UCN3: variants seen among roughly 807,000 people sequenced by gnomAD.
The protein encoded by UCN3 is urocortin 3, also known as urocortin-3.
UCN3 carries 3 observed loss-of-function variants against 3.6 expected under a neutral mutation model. The observed-to-expected ratio is 0.83, with a 90% confidence interval of 0.38 to 2.15. The LOEUF (loss-of-function observed/expected upper bound fraction) is 2.15, where lower values mean the gene tolerates loss of function less well. Among genes scored for constraint, UCN3 ranks in the 30% most tolerant of loss-of-function variants. The pLI is 0.06. For missense variants in UCN3, 206 were observed against 208.3 expected (o/e 0.99, Z 0.07); for synonymous variants, 100 against 93.2 (o/e 1.07, Z -0.42).
intron 1 of UCN3, among the ~76,000 whole-genome samples, chr10:5,373,395 C>T (rs1316660547): frequency 1.3e-5 from 2 of 152,124 alleles, no homozygotes; most frequent in Non-Finnish European, 2.9e-5. Context: ...GCCTGCAAAG[C>T]TGAATTAAAT....
chr10:5,367,968 G>T lies in UCN3; in HGVS notation c.-7+2738G>T, dbSNP rs140549223. ...ACCCACAGAGGGAGGCCTGAGGGTA[G>T]CTCCAGGGTTGCATCTCAGCACCCT... On this transcript the variant is annotated intron_variant, in intron 1 of 1. Coordinates refer to ENST00000380433, the MANE Select transcript of UCN3 (RefSeq NM_053049.4). This position sits in a 1 kb window ranked among gnomAD's most constrained non-coding sequence, Gnocchi z 4.3. Among the ~76,000 whole-genome samples the T allele has an allele frequency of 8.6e-4, 131 of 152,164 alleles. No individual in the cohort carries two copies. Among genetic ancestry groups the T allele is most frequent in the African/African-American group, 3.1e-3 (127 of 41,530 alleles).
chr10:5,365,674 C>G lies in UCN3; in HGVS notation c.-7+444C>G, dbSNP rs1834110492. Among the ~76,000 whole-genome samples, 2 of 152,182 alleles carry G rather than the reference C, an allele frequency of 1.3e-5. No homozygotes were observed. Among genetic ancestry groups the G allele is most frequent in the South Asian group, 2.1e-4 (1 of 4,826 alleles). ...GAGGACACCTGCACTTACTGTTTAC[C>G]TGTGCCACAAACCTTCACCTGTGCC... On this transcript the variant is annotated intron_variant, in intron 1 of 1. Transcript: ENST00000380433. This position sits in a 1 kb window ranked among gnomAD's most constrained non-coding sequence, Gnocchi z 4.4.
At chr10:5,370,689 G>A (rs1468385701) in intron 1 of UCN3, among the ~76,000 whole-genome samples, 3 of 100,788 alleles carry the variant, frequency 3.0e-5, no homozygotes, top group Admixed American at 1.1e-4. Flanking sequence ...GTGTGTGTAT[G>A]TGTGTATATG....
At chr10:5,370,769 G>A (rs1374918387) in intron 1 of UCN3, among the ~76,000 whole-genome samples, 1 of 139,164 alleles carries the variant, frequency 7.2e-6, no homozygotes, top group Non-Finnish European at 1.5e-5. Flanking sequence ...GTATATGCGT[G>A]TGTATATGCG....
At chr10:5,372,608 G>T (rs1263173822) in intron 1 of UCN3, among the ~76,000 whole-genome samples, 1 of 152,038 alleles carries the variant, frequency 6.6e-6, no homozygotes, top group Non-Finnish European at 1.5e-5. Flanking sequence ...TGGAGGCAGT[G>T]GCACAATCAC....
chr10:5,374,449 G>A lies in UCN3; in HGVS notation c.*243G>A. The A allele has an allele frequency of 4.0e-6, 2 of 503,696 alleles. No homozygotes were observed. Among genetic ancestry groups the A allele is most frequent in the Non-Finnish European group, 7.2e-6 (2 of 278,904 alleles). 31.2% of individuals were successfully genotyped at this position (503,696 alleles called of 1,614,324 possible). A position where few individuals can be genotyped will look rare whatever the true frequency, so the allele number is the denominator to read the frequency against. On this transcript the variant is annotated 3_prime_UTR_variant, in exon 2 of 2. Coordinates refer to ENST00000380433, the MANE Select transcript of UCN3 (RefSeq NM_053049.4). ...ATTGTCCAACCTTCCCAGACACAAA[G>A]CAGCTAACGTTCCTCCCTGTACTCA... is the stretch of plus-strand genomic sequence containing the variant.
intron 1 of UCN3, among the ~76,000 whole-genome samples, chr10:5,370,824 C>CGCGCGTGTGTGT: frequency 2.4e-5 from 2 of 82,970 alleles, no homozygotes; most frequent in Middle Eastern, 0.012. Context: ...CGTGTGTGTG[C>CGCGCGTGTGTGT]GCGCGTGTGT....
In UCN3 at chr10:5,374,247, GAGGGGAGGGGGAGGGGAGGGCGA is replaced by G; in HGVS notation, c.*42_*64del. ...GGGAGGGCAGCGGGGTGGGGAGGGG[GAGGGGAGGGGGAGGGGAGGGCGA>G]GGGGGGGAGGGGAGGGGGAGGGTGC... On this transcript the variant is annotated 3_prime_UTR_variant, in exon 2 of 2. Coordinates refer to ENST00000380433, the MANE Select transcript of UCN3 (RefSeq NM_053049.4). 7.5e-6 allele frequency: 4 copies of G among 530,394 alleles called. No homozygotes were observed. Among genetic ancestry groups the G allele is most frequent in the South Asian group, 6.2e-5 (3 of 48,030 alleles). 32.9% of individuals were successfully genotyped at this position (530,394 alleles called of 1,614,324 possible). A position where few individuals can be genotyped will look rare whatever the true frequency, so the allele number is the denominator to read the frequency against.
Position 5,374,092 on chromosome 10 carries a change from C to A in UCN3, c.372C>A (p.Leu124=). 1 of 1,613,716 alleles carries A rather than the reference C, an allele frequency of 6.2e-7. No individual in the cohort carries two copies. Among genetic ancestry groups the A allele is most frequent in the Non-Finnish European group, 8.5e-7 (1 of 1,179,928 alleles). The part of the protein sequence containing the change: ...SPHRTKFTLS[L]DVPTNIMNLL... ...ACCGCACCAAGTTCACCCTGTCCCT[C>A]GACGTCCCCACCAACATCATGAACC... is the stretch of plus-strand genomic sequence containing the variant. The change falls in exon 2 of 2, where the codon CTC becomes CTA. Residue 124 remains leucine, a synonymous_variant. Coordinates refer to ENST00000380433, the MANE Select transcript of UCN3 (RefSeq NM_053049.4).
At position 5,367,198 on chromosome 10, in the gene UCN3, C is replaced by T. The variant is rs1363049406; in HGVS notation, c.-7+1968C>T. ...AGCCCATTGCAAGGGAAAACCTGAACTTTTTCACAGGAAAATTGCAGAAAG... is the reference window on the plus strand; with the variant it reads ...AGCCCATTGCAAGGGAAAACCTGAATTTTTTCACAGGAAAATTGCAGAAAG... On this transcript the variant is annotated intron_variant, in intron 1 of 1. Coordinates refer to ENST00000380433, the MANE Select transcript of UCN3 (RefSeq NM_053049.4). This position sits in a 1 kb window ranked among gnomAD's most constrained non-coding sequence, Gnocchi z 4.3. Among the ~76,000 whole-genome samples, 1 of 152,140 alleles carries T rather than the reference C, an allele frequency of 6.6e-6. No homozygotes were observed. Among genetic ancestry groups the T allele is most frequent in the African/African-American group, 2.4e-5 (1 of 41,434 alleles).
intron 1 of UCN3, among the ~76,000 whole-genome samples, chr10:5,369,519 C>A (rs1437856214): frequency 6.6e-6 from 1 of 152,124 alleles, no homozygotes; most frequent in Non-Finnish European, 1.5e-5. Flanking sequence ...AACCCTCAGG[C>A]AAATAAGGAA....
chr10:5,370,066 TGTGTGTATATGC>T lies in UCN3; in HGVS notation c.-6-3613_-6-3602del, dbSNP rs1301124389. On this transcript the variant is annotated intron_variant, in intron 1 of 1. Coordinates refer to ENST00000380433, the MANE Select transcript of UCN3 (RefSeq NM_053049.4). Reference sequence around the variant, plus strand: ...ATATGCGTGTGTATGTGTGTGTATATGTGTGTATATGCGTGTGTATATGCGTGTGTATATGCG... The same window carrying T: ...ATATGCGTGTGTATGTGTGTGTATATGTGTGTATATGCGTGTGTATATGCG... Among the ~76,000 whole-genome samples the T allele has an allele frequency of 3.7e-3, 158 of 42,272 alleles. 12 individuals carry two copies. The highest frequency in any genetic ancestry group is 0.017 in the South Asian group (16 of 950). The allele number at this position is 42,272 out of a possible 152,430, so 27.7% of individuals were successfully genotyped here. A position where few individuals can be genotyped will look rare whatever the true frequency, so the allele number is the denominator to read the frequency against.
chr10:5,370,991 G>T (rs1831416196), intron 1 of UCN3, among the ~76,000 whole-genome samples: 1 of 150,484 alleles, frequency 6.6e-6, no homozygotes, highest in African/African-American at 2.5e-5. Context: ...TGTGAGGTAT[G>T]TATGTGTGTG....
rs1349062860 is a variant in UCN3, at chr10:5,370,852, CGT to C, written c.-6-2855_-6-2854del. The stretch of plus-strand genomic sequence containing the variant: ...GCGTGTGTGTGCGCGTGTGTGTGCG[CGT>C]GTGTGTGCGTGTGTATGTGTGTGTA... On this transcript the variant is annotated intron_variant, in intron 1 of 1. Coordinates refer to ENST00000380433, the MANE Select transcript of UCN3 (RefSeq NM_053049.4). Among the ~76,000 whole-genome samples, 9 of 71,500 alleles carry C rather than the reference CGT, an allele frequency of 1.3e-4. 2 individuals carry two copies. The highest frequency in any genetic ancestry group is 2.0e-4 in the Non-Finnish European group (8 of 39,894). 46.9% of individuals were successfully genotyped at this position (71,500 alleles called of 152,430 possible).
At chr10:5,370,589 ATG>A (rs137956980) in intron 1 of UCN3, among the ~76,000 whole-genome samples, 2,133 of 79,316 alleles carry the variant, frequency 0.027, 306 homozygotes, top group African/African-American at 0.043. Flanking sequence ...ATGTGTGTAT[ATG>A]TGTGTGTGTA....
intron 1 of UCN3, among the ~76,000 whole-genome samples, chr10:5,370,962 G>A (rs111207954): frequency 2.8e-4 from 32 of 115,224 alleles, no homozygotes; most frequent in Admixed American, 4.6e-4. Context: ...TAAGGTGTGT[G>A]TGTGTGTATG....
intron 1 of UCN3, among the ~76,000 whole-genome samples, chr10:5,372,596 G>C (rs1554811646): frequency 6.6e-6 from 1 of 152,098 alleles, no homozygotes; most frequent in Admixed American, 6.5e-5. Flanking sequence ...TGTTGCCCAG[G>C]ATGGAGGCAG....
chr10:5,369,993 G>A (rs1166901785), intron 1 of UCN3, among the ~76,000 whole-genome samples: 1 of 86,058 alleles, frequency 1.2e-5, no homozygotes, highest in South Asian at 5.5e-4. Flanking sequence ...GTATATGTGT[G>A]TATGTGTGTG....
rs1222498197 is a variant in UCN3, at chr10:5,365,384, A to G, written c.-7+154A>G. Among the ~76,000 whole-genome samples, 2 of 152,208 alleles carry G rather than the reference A, an allele frequency of 1.3e-5. No homozygotes were observed. Among genetic ancestry groups the G allele is most frequent in the African/African-American group, 2.4e-5 (1 of 41,448 alleles). On this transcript the variant is annotated intron_variant, in intron 1 of 1. Coordinates refer to ENST00000380433, the MANE Select transcript of UCN3 (RefSeq NM_053049.4). This position sits in a 1 kb window ranked among gnomAD's most constrained non-coding sequence, Gnocchi z 4.4. The stretch of plus-strand genomic sequence containing the variant: ...AGCGATGCTGAACGCCCCCCACCCA[A>G]TCAGCAGAAATCAGCCCCAAAGGGA...
Sources: gnomAD v4.1 joint callset for allele counts (sites outside exome capture counted in the v4.1 genomes callset) on GRCh38, gnomAD v4.1.1 for gene constraint, Gnocchi (gnomAD v3.1) non-coding constraint, MANE v1.5 for transcripts, NCBI Gene and HGNC (gene_info 2026-07-23, HGNC 2026-07-21) for gene names.